The following PACS2 variants were observed in gnomAD, a reference collection of about 807,000 sequenced individuals.
PACS2 encodes PACS1-like protein.
In PACS2, 36 loss-of-function variants were observed where a neutral mutation model predicts 113.0. That is an observed-to-expected ratio of 0.32 (90% CI 0.24 to 0.42). PACS2 has a LOEUF of 0.42. PACS2 is among the 10% of genes least tolerant of loss of function. The probability of loss-of-function intolerance (pLI) is 1.00; values close to 1 mark genes in which losing one functional copy is unlikely to be tolerated. For synonymous variants in PACS2, 589 were observed against 536.1 expected (o/e 1.10, Z -1.36); for missense variants, 1,015 against 1,239.5 (o/e 0.82, Z 2.72).
rs1242927607 is a variant in PACS2, at chr14:105,324,208, GGGGTCGGGGGGCTGCTGCAGAGAGC to G, written c.119+9177_119+9201del. On this transcript the variant is annotated intron_variant, in intron 1 of 24. Transcript: ENST00000447393. This position sits in a 1 kb window ranked among gnomAD's most constrained non-coding sequence, Gnocchi z 4.7. The stretch of plus-strand genomic sequence containing the variant: ...GAGTGGGCAGCTGCGGTGCTGTGGC[GGGGTCGGGGGGCTGCTGCAGAGAGC>G]GGGTCTGCGGTCAGTCACAGTGACG... Among the ~76,000 whole-genome samples the G allele has an allele frequency of 6.6e-6, 1 of 152,182 alleles. No individual in the cohort carries two copies. Among genetic ancestry groups the G allele is most frequent in the East Asian group, 1.9e-4 (1 of 5,188 alleles).
rs1189384695 is a variant in PACS2 at position 105,323,052 on chromosome 14, G to A, written c.119+8015G>A. On this transcript the variant is annotated intron_variant, in intron 1 of 24. Transcript: ENST00000447393. This position sits in a 1 kb window ranked among gnomAD's most constrained non-coding sequence, Gnocchi z 4.1. ...AGAGGTCAGCGGCCGTGACAGGCTG[G>A]AGGGAGACGTCTGGGTGGCTTTGTG... is the stretch of plus-strand genomic sequence containing the variant. 6.6e-6 allele frequency among the ~76,000 whole-genome samples: 1 copy of A among 152,182 alleles called. No individual in the cohort carries two copies. The highest frequency in any genetic ancestry group is 1.9e-4 in the East Asian group (1 of 5,200).
At chr14:105,344,221 C>G (rs1311579815) in intron 1 of PACS2, among the ~76,000 whole-genome samples, 1 of 151,592 alleles carries the variant, frequency 6.6e-6, no homozygotes, top group East Asian at 2.0e-4. Context: ...CCTGCCTCAA[C>G]TTTTAATATA....
intron 1 of PACS2, among the ~76,000 whole-genome samples, chr14:105,319,616 GTCTTTTGCAAAAGACAAAGTTGTT>G (rs2058812635): frequency 6.6e-6 from 1 of 152,066 alleles, no homozygotes; most frequent in African/African-American, 2.4e-5. Flanking sequence ...TGTATGTTTT[GTCTTTTGCAAAAGACAAAGTTGTT>G]TCTTTTCAAT....
intron 2 of PACS2, among the ~76,000 whole-genome samples, chr14:105,349,876 G>C (rs587694492): frequency 1.3e-5 from 2 of 148,484 alleles, no homozygotes; most frequent in East Asian, 3.9e-4. Context: ...TTCCAGGAGA[G>C]CGTGGCTAAT....
At chr14:105,383,667 G>T in intron 16 of PACS2, 154 bp downstream of exon 16, 2 of 618,500 alleles carry the variant, frequency 3.2e-6, no homozygotes, top group Non-Finnish European at 5.5e-6. Flanking sequence ...TGGTGTCCCT[G>T]CTTGCTACAC....
At chr14:105,321,997 C>T (rs587623811) in intron 1 of PACS2, among the ~76,000 whole-genome samples, 7 of 150,998 alleles carry the variant, frequency 4.6e-5, no homozygotes, top group Admixed American at 3.3e-4. Context: ...GGAGTACAGT[C>T]GTGCAATCTT....
At chr14:105,321,325 T>C (rs1445214040) in intron 1 of PACS2, among the ~76,000 whole-genome samples, 1 of 144,904 alleles carries the variant, frequency 6.9e-6, no homozygotes, top group Non-Finnish European at 1.5e-5. Flanking sequence ...TGAGAATAGA[T>C]TGGTCCGGGT....
chr14:105,392,119 G>C (rs1187305507), intron 22 of PACS2: 3 of 360,612 alleles, frequency 8.3e-6, no homozygotes, highest in African/African-American at 4.3e-5. Context: ...GATGAGCTTC[G>C]ATAGCTGTGC....
rs748865866 is a variant in PACS2 at position 105,323,523 on chromosome 14, C to T, written c.119+8486C>T. 3.3e-5 allele frequency among the ~76,000 whole-genome samples: 5 copies of T among 152,210 alleles called. No homozygotes were observed. Among genetic ancestry groups the T allele is most frequent in the African/African-American group, 4.8e-5 (2 of 41,462 alleles). ...CTGCACAGTGTAGCTCCTTGGCGGA[C>T]GTTCCTGTAATGGAACCAGGATGTC... is the stretch of plus-strand genomic sequence containing the variant. On this transcript the variant is annotated intron_variant, in intron 1 of 24. Transcript: ENST00000447393. The surrounding 1 kb of genome is among the most constrained non-coding windows in gnomAD (Gnocchi z 4.1).
intron 1 of PACS2, among the ~76,000 whole-genome samples, chr14:105,321,508 G>T (rs2058884493): frequency 6.6e-6 from 1 of 151,940 alleles, no homozygotes; most frequent in Non-Finnish European, 1.5e-5. Flanking sequence ...GACTACAGGT[G>T]TGCACCACCA....
At position 105,324,485 on chromosome 14, in the gene PACS2, C is replaced by T. The variant is rs1595571520; in HGVS notation, c.119+9448C>T. On this transcript the variant is annotated intron_variant, in intron 1 of 24. Transcript: ENST00000447393. This position sits in a 1 kb window ranked among gnomAD's most constrained non-coding sequence, Gnocchi z 4.7. Reference sequence around the variant, plus strand: ...AGCCCTGAGGCCTGTGAGCTGCTGGCCCCGCAGGGTGGCTGGGCCTGGCTG... The same window carrying T: ...AGCCCTGAGGCCTGTGAGCTGCTGGTCCCGCAGGGTGGCTGGGCCTGGCTG... 6.6e-6 allele frequency among the ~76,000 whole-genome samples: 1 copy of T among 152,308 alleles called. No individual in the cohort carries two copies. The highest frequency in any genetic ancestry group is 2.1e-4 in the South Asian group (1 of 4,822).
chr14:105,311,008 A>G (rs191910263), upstream of PACS2, among the ~76,000 whole-genome samples: 1 of 152,340 alleles, frequency 6.6e-6, no homozygotes, highest in African/African-American at 2.4e-5. Context: ...GCTGGAGTGC[A>G]GTGGCACAAT....
rs1202115804 is a variant in PACS2, at chr14:105,358,669, G to A, written c.423+3492G>A. Among the ~76,000 whole-genome samples the A allele has an allele frequency of 6.6e-6, 1 of 152,186 alleles. No individual in the cohort carries two copies. The highest frequency in any genetic ancestry group is 1.5e-5 in the Non-Finnish European group (1 of 68,022). ...GTGACCTGGGAGTGCGGTGGTGGCT[G>A]AGGGAGCAGCCATGCTTCTTTGCAC... On this transcript the variant is annotated intron_variant, in intron 4 of 24. Transcript: ENST00000447393. This position sits in a 1 kb window ranked among gnomAD's most constrained non-coding sequence, Gnocchi z 4.9.
intron 7 of PACS2, 71 bp downstream of exon 7, chr14:105,368,610 G>C (rs929982891): frequency 3.4e-5 from 40 of 1,172,350 alleles, no homozygotes; most frequent in East Asian, 7.1e-5. Flanking sequence ...GCCTGGGCGT[G>C]GGGGGGACAC....
Position 105,319,011 on chromosome 14 carries a change from G to A in PACS2, c.119+3974G>A, listed in dbSNP as rs587642515. On this transcript the variant is annotated intron_variant, in intron 1 of 24. Transcript: ENST00000447393. The stretch of plus-strand genomic sequence containing the variant: ...CGCCCAGGCTGGAGTGCAGTGGCAC[G>A]ATCTCAGCTCACTACAACCTCCACT... Among the ~76,000 whole-genome samples, 247 of 147,316 alleles carry A rather than the reference G, an allele frequency of 1.7e-3. 1 individual carries two copies. Among genetic ancestry groups the A allele is most frequent in the African/African-American group, 5.9e-3 (234 of 39,644 alleles).
chr14:105,327,276 A>T (rs2059149616), intron 1 of PACS2, among the ~76,000 whole-genome samples: 1 of 152,136 alleles, frequency 6.6e-6, no homozygotes, highest in South Asian at 2.1e-4. Context: ...AGGAAGGTCG[A>T]GAGGCTGCAG....
At chr14:105,382,142 A>G in intron 13 of PACS2, 84 bp downstream of exon 13, 1 of 1,401,602 alleles carries the variant, frequency 7.1e-7, no homozygotes, top group Non-Finnish European at 9.5e-7. Flanking sequence ...AAAGAGAAGC[A>G]CAGGGGGCCA....
At position 105,335,291 on chromosome 14, in the gene PACS2, A is replaced by C. The variant is rs587661105; in HGVS notation, c.120-13202A>C. 3.3e-5 allele frequency among the ~76,000 whole-genome samples: 5 copies of C among 152,322 alleles called. No individual in the cohort carries two copies. In the South Asian group the frequency reaches 1.0e-3, roughly 32 times the overall value. Reference sequence around the variant, plus strand: ...GTGCTCCCAGAGGCACCCTGGGCTCAGCTCAGCCCCCATAGGCCAGTGCCT... The same window carrying C: ...GTGCTCCCAGAGGCACCCTGGGCTCCGCTCAGCCCCCATAGGCCAGTGCCT... On this transcript the variant is annotated intron_variant, in intron 1 of 24. Coordinates refer to ENST00000447393, the MANE Select transcript of PACS2 (RefSeq NM_001100913.3).
At chr14:105,371,182 G>C (rs782647549) in intron 8 of PACS2, 1 of 152,240 alleles carries the variant, frequency 6.6e-6, no homozygotes, top group African/African-American at 2.4e-5. Context: ...GATGGTCATC[G>C]GGCCCCTGTG....
Sources: allele counts gnomAD v4.1 joint callset (sites outside exome capture counted in the v4.1 genomes callset), GRCh38; gene constraint gnomAD v4.1.1; non-coding constraint Gnocchi (gnomAD v3.1); transcripts MANE v1.5; gene names NCBI Gene and HGNC (gene_info 2026-07-23, HGNC 2026-07-21).